Variants in SBF2 observed in about 807,000 individuals in gnomAD.
SBF2 encodes the protein SET binding factor 2, also known as myotubularin-related protein 13.
A neutral mutation model predicts 225.2 loss-of-function variants in SBF2; 112 were observed. The ratio of observed to expected loss-of-function variants is 0.50; its 90% confidence interval spans 0.43 to 0.58. The LOEUF is 0.58. Ranked by LOEUF, SBF2 falls within the 20% of genes least tolerant of loss-of-function variation. The pLI is 0.00. For synonymous variants in SBF2, 763 were observed against 773.3 expected (o/e 0.99, Z 0.22); for missense variants, 1,996 against 2,206.2 (o/e 0.90, Z 1.91).
intron 2 of SBF2, among the ~76,000 whole-genome samples, chr11:10,066,148 T>C (rs2134780093): frequency 6.6e-6 from 1 of 152,064 alleles, no homozygotes; most frequent in Admixed American, 6.6e-5. Context: ...GTTTTTTCCT[T>C]AAAAAAATAA....
intron 2 of SBF2, among the ~76,000 whole-genome samples, chr11:10,173,820 A>T (rs374448970): frequency 7.0e-6 from 1 of 143,698 alleles, no homozygotes; most frequent in Non-Finnish European, 1.5e-5. Flanking sequence ...ATCTGAGAAC[A>T]GGCAGACTGC....
At chr11:10,258,081 TACACACACACAC>T (rs57653852) in intron 1 of SBF2, among the ~76,000 whole-genome samples, 4 of 138,938 alleles carry the variant, frequency 2.9e-5, no homozygotes, top group Non-Finnish European at 4.6e-5. Flanking sequence ...TACACACACA[TACACACACACAC>T]ACACACACAC....
intron 1 of SBF2, among the ~76,000 whole-genome samples, chr11:10,241,252 C>T (rs1565392259): frequency 6.6e-6 from 1 of 152,114 alleles, no homozygotes; most frequent in Non-Finnish European, 1.5e-5. Context: ...ACTTGGGGGG[C>T]TGAGGCAGGA....
intron 28 of SBF2, among the ~76,000 whole-genome samples, chr11:9,822,671 C>T (rs1854836404): frequency 6.6e-6 from 1 of 152,152 alleles, no homozygotes; most frequent in Admixed American, 6.5e-5. Context: ...TCATTTTCCC[C>T]ATAGGAATGC....
upstream of SBF2, among the ~76,000 whole-genome samples, chr11:10,297,189 TC>T (rs140725035): frequency 7.4e-3 from 1,108 of 150,584 alleles, 18 homozygotes; most frequent in African/African-American, 0.022. Context: ...TATGCCCTAT[TC>T]CCCCCCCCAA....
intron 1 of SBF2, among the ~76,000 whole-genome samples, chr11:10,256,058 T>A (rs1338387508): frequency 2.0e-5 from 3 of 152,242 alleles, no homozygotes; most frequent in East Asian, 1.9e-4. Flanking sequence ...CCAAACTATA[T>A]GCAGACTCAT....
intron 1 of SBF2, among the ~76,000 whole-genome samples, chr11:10,247,877 T>G (rs1382355439): frequency 1.3e-5 from 2 of 152,138 alleles, no homozygotes; most frequent in Non-Finnish European, 2.9e-5. Context: ...TGATTTTAAC[T>G]TCATATTGTT....
chr11:10,008,459 A>T (rs1565126180), intron 6 of SBF2, among the ~76,000 whole-genome samples: 1 of 152,206 alleles, frequency 6.6e-6, no homozygotes, highest in African/African-American at 2.4e-5. Context: ...GGTCTTTTAC[A>T]TCAAGGACCA....
chr11:10,261,288 C>T (rs945702449), intron 1 of SBF2, among the ~76,000 whole-genome samples: 2 of 152,164 alleles, frequency 1.3e-5, no homozygotes, highest in African/African-American at 2.4e-5. Context: ...CTGCAACCTC[C>T]ACCTCCTGGG....
At chr11:9,928,581 G>C (rs1272515613) in intron 16 of SBF2, among the ~76,000 whole-genome samples, 1 of 152,168 alleles carries the variant, frequency 6.6e-6, no homozygotes, top group Non-Finnish European at 1.5e-5. Context: ...ATAGGGTCCA[G>C]CCAATACACT....
rs144520557 is a variant in SBF2 at position 9,886,995 on chromosome 11, G to C, written c.1929+8948C>G. Among the ~76,000 whole-genome samples, 763 of 152,124 alleles carry C rather than the reference G, an allele frequency of 5.0e-3. 2 individuals are homozygous for C. Among genetic ancestry groups the C allele is most frequent in the Non-Finnish European group, 7.7e-3 (525 of 68,018 alleles). On this transcript the variant is annotated intron_variant, in intron 17 of 39. Transcript: ENST00000256190. The stretch of plus-strand genomic sequence containing the variant: ...TTTGTAGTCCTAATACTCAGGACGT[G>C]GTAGCATAGGACATCAATGTCTACT...
intron 2 of SBF2, among the ~76,000 whole-genome samples, chr11:10,189,631 A>G (rs562504169): frequency 6.1e-4 from 93 of 152,208 alleles, no homozygotes; most frequent in Non-Finnish European, 1.1e-3. Flanking sequence ...CTAGTGTATA[A>G]TTTAAATAAC....
At chr11:9,845,528 G>C in intron 24 of SBF2, 37 bp downstream of exon 24, 2 of 1,582,736 alleles carry the variant, frequency 1.3e-6, no homozygotes, top group Non-Finnish European at 1.7e-6. Context: ...ATCAATTACG[G>C]GAGGGCTGAA....
intron 2 of SBF2, among the ~76,000 whole-genome samples, chr11:10,068,620 A>C (rs934625772): frequency 1.3e-5 from 2 of 152,206 alleles, no homozygotes; most frequent in African/African-American, 4.8e-5. Flanking sequence ...TTTATAAAAA[A>C]CTATTTTATG....
At chr11:9,967,273 G>T (rs1866974579) in intron 14 of SBF2, among the ~76,000 whole-genome samples, 1 of 151,984 alleles carries the variant, frequency 6.6e-6, no homozygotes, top group African/African-American at 2.4e-5. Flanking sequence ...TCAAGAGGCT[G>T]AGGCAGGAGA....
At chr11:9,799,769 C>T (rs1445693742) in intron 32 of SBF2, among the ~76,000 whole-genome samples, 3 of 152,212 alleles carry the variant, frequency 2.0e-5, no homozygotes, top group Non-Finnish European at 4.4e-5. Flanking sequence ...TTGAGTCCTG[C>T]ACCCCAGTGA....
chr11:9,978,296 C>T (rs576256228), intron 13 of SBF2, among the ~76,000 whole-genome samples: 2 of 152,170 alleles, frequency 1.3e-5, no homozygotes, highest in Non-Finnish European at 2.9e-5. Flanking sequence ...AGAATCTTAG[C>T]ACTAGAAGGA....
At chr11:10,218,480 C>A (rs1435236067) in intron 1 of SBF2, among the ~76,000 whole-genome samples, 1 of 152,084 alleles carries the variant, frequency 6.6e-6, no homozygotes, top group Non-Finnish European at 1.5e-5. Flanking sequence ...CCTCACATTT[C>A]TCAACCAATC....
chr11:9,894,710 G>A (rs1262658275), intron 17 of SBF2, among the ~76,000 whole-genome samples: 3 of 151,884 alleles, frequency 2.0e-5, no homozygotes, highest in African/African-American at 7.3e-5. Flanking sequence ...GCCAGGCGCA[G>A]TAGCTCATGC....
Sources: allele counts gnomAD v4.1 joint callset (sites outside exome capture counted in the v4.1 genomes callset), GRCh38; gene constraint gnomAD v4.1.1; transcripts MANE v1.5; gene names NCBI Gene and HGNC (gene_info 2026-07-23, HGNC 2026-07-21).